CFAP300: variants seen among roughly 807,000 people sequenced by gnomAD.
CFAP300 encodes cilia- and flagella-associated protein 300.
Under a neutral mutation model 33.0 loss-of-function variants are expected in CFAP300, and 32 were observed. The ratio of observed to expected loss-of-function variants is 0.97; its 90% CI spans 0.73 to 1.30. CFAP300 has a LOEUF of 1.30. Ranked by LOEUF, CFAP300 falls within the 50% of genes most tolerant of loss-of-function variation. The probability of loss-of-function intolerance (pLI) is 0.00; values close to 1 mark genes in which losing one functional copy is unlikely to be tolerated. For synonymous variants in CFAP300, 102 were observed against 106.8 expected, an observed-to-expected ratio of 0.95 and a Z score of 0.28; for missense variants, 356 against 318.1, an observed-to-expected ratio of 1.12 and a Z score of -0.90.
chr11:102,047,652 G>C (rs973238568), intron 1 of CFAP300, 72 bp downstream of exon 1: 1 of 1,486,520 alleles, frequency 6.7e-7, no homozygotes, highest in Non-Finnish European at 9.1e-7. Flanking sequence ...GCCGGGCGTC[G>C]AGGGGCCCGC....
chr11:102,083,185 G>T lies in CFAP300; in HGVS notation c.790G>T (p.Gly264Ter). 6.6e-7 allele frequency: 1 copy of T among 1,514,722 alleles called. No individual in the cohort carries two copies. Among genetic ancestry groups the T allele is most frequent in the South Asian group, 1.4e-5 (1 of 72,820 alleles). The allele number at this position is 1,514,722 out of a possible 1,614,324, so 93.8% of individuals were successfully genotyped here. ...LHVLYHCYGV[G>*]DMS ...TGTTTTATACCACTGTTATGGTGTG[G>T]GAGACATGTCTTAATGTTCTTTCAG... The change falls in exon 7 of 7, where the codon GGA becomes TGA. Residue 264 changes from glycine to a stop codon, truncating the protein, a stop_gained. Transcript: ENST00000434758. LOFTEE classifies it high-confidence loss of function.
chr11:102,082,515 C>CA (rs1461866189), intron 6 of CFAP300, among the ~76,000 whole-genome samples: 15 of 151,866 alleles, frequency 9.9e-5, no homozygotes, highest in Admixed American at 2.0e-4. Flanking sequence ...TCCTTAAAGA[C>CA]AAAAATTATG....
chr11:102,076,671 A>G (rs1163263785), intron 5 of CFAP300, among the ~76,000 whole-genome samples: 2 of 152,186 alleles, frequency 1.3e-5, no homozygotes. Context: ...ATAGAAAGCA[A>G]AAGATCTTAA....
Position 102,083,419 on chromosome 11 carries a change from A to T in CFAP300, c.*220A>T, listed in dbSNP as rs1357375252. The stretch of plus-strand genomic sequence containing the variant: ...TCCATAATAAAATCTATACCAAAAA[A>T]GTTGTGGAATTTTTACAGAAAGTTA... On this transcript the variant is annotated 3_prime_UTR_variant, in exon 7 of 7. Transcript: ENST00000434758. 3.7e-6 allele frequency: 1 copy of T among 271,484 alleles called. No individual in the cohort carries two copies. Among genetic ancestry groups the T allele is most frequent in the Non-Finnish European group, 6.7e-6 (1 of 148,492 alleles). 16.8% of individuals were successfully genotyped at this position (271,484 alleles called of 1,614,324 possible). A position where few individuals can be genotyped will look rare whatever the true frequency, so the allele number is the denominator to read the frequency against.
rs919962560 is a variant in CFAP300, at chr11:102,055,501, G to C, written c.193-3379G>C. Among the ~76,000 whole-genome samples, 20 of 150,812 alleles carry C rather than the reference G, an allele frequency of 1.3e-4. 1 individual carries two copies. Among genetic ancestry groups the C allele is most frequent in the Non-Finnish European group, 2.2e-4 (15 of 67,800 alleles). On this transcript the variant is annotated intron_variant, in intron 2 of 6. Transcript: ENST00000434758. Reference sequence around the variant, plus strand: ...GCCTCCCGAGTAGCTGGGGCCACAGGTGCACAGCACTGTGCCAAGCTAATT... The same window carrying C: ...GCCTCCCGAGTAGCTGGGGCCACAGCTGCACAGCACTGTGCCAAGCTAATT...
At chr11:102,054,605 T>C (rs1429352360) in intron 2 of CFAP300, among the ~76,000 whole-genome samples, 2 of 151,886 alleles carry the variant, frequency 1.3e-5, no homozygotes, top group Non-Finnish European at 2.9e-5. Context: ...GGCGCACTTC[T>C]GTAGTCCCAG....
chr11:102,068,128 T>C (rs1342713462), intron 4 of CFAP300, among the ~76,000 whole-genome samples: 1 of 152,250 alleles, frequency 6.6e-6, no homozygotes, highest in Non-Finnish European at 1.5e-5. Context: ...CTTACTCTGC[T>C]TAGCACAATG....
chr11:102,049,198 C>T (rs1941932434), intron 2 of CFAP300, among the ~76,000 whole-genome samples: 1 of 152,168 alleles, frequency 6.6e-6, no homozygotes, highest in South Asian at 2.1e-4. Flanking sequence ...TCCTCTGAAA[C>T]CTGTAGGGGA....
At chr11:102,060,057 C>T (rs1047023113) in intron 3 of CFAP300, among the ~76,000 whole-genome samples, 9 of 152,096 alleles carry the variant, frequency 5.9e-5, no homozygotes, top group African/African-American at 1.7e-4. Context: ...CTGCAACCTT[C>T]GTCTCCCAGG....
At chr11:102,052,871 C>G (rs984849709) in intron 2 of CFAP300, among the ~76,000 whole-genome samples, 1 of 152,214 alleles carries the variant, frequency 6.6e-6, no homozygotes, top group Non-Finnish European at 1.5e-5. Context: ...ATTCTCCACG[C>G]TGCAGCCAGA....
Position 102,083,088 on chromosome 11 carries a change from C to A in CFAP300, c.693C>A (p.Cys231Ter). The change falls in exon 7 of 7, where the codon TGC (cysteine) becomes TGA (stop). Residue 231 changes from cysteine (C) to a stop codon, truncating the protein, a stop_gained. Transcript: ENST00000434758. LOFTEE classifies it high-confidence loss of function. ...KVSAYDSAGM[C>*]YPSAKNHEQT... ...TTTTTCAGGATTCTGCTGGTATGTG[C>A]TATCCTTCAGCAAAGAATCATGAAC... 6.6e-7 allele frequency: 1 copy of A among 1,514,408 alleles called. No individual in the cohort carries two copies. Among genetic ancestry groups the A allele is most frequent in the Non-Finnish European group, 8.9e-7 (1 of 1,128,384 alleles). The allele number at this position is 1,514,408 out of a possible 1,614,324, so 93.8% of individuals were successfully genotyped here.
At chr11:102,072,609 T>C (rs1942329708) in intron 4 of CFAP300, among the ~76,000 whole-genome samples, 4 of 152,228 alleles carry the variant, frequency 2.6e-5, no homozygotes, top group Admixed American at 2.6e-4. Context: ...GGCCATATCA[T>C]TATTTTGAAT....
In CFAP300 at chr11:102,054,728, C is replaced by CAAAAAAAA. The variant is rs542071172; in HGVS notation, c.193-4138_193-4131dup. On this transcript the variant is annotated intron_variant, in intron 2 of 6. Coordinates refer to ENST00000434758, the MANE Select transcript of CFAP300 (RefSeq NM_032930.3). ...TGAATGACAGAGCAAGACTTGGTCT[C>CAAAAAAAA]AAAAAAAAAAAAAAAAAAAAAGTGA... Among the ~76,000 whole-genome samples the CAAAAAAAA allele has an allele frequency of 5.6e-5, 4 of 70,926 alleles. 1 individual carries two copies. The highest frequency in any genetic ancestry group is 5.4e-5 in the Non-Finnish European group (2 of 37,212). The allele number at this position is 70,926 out of a possible 152,430, so 46.5% of individuals were successfully genotyped here.
intron 4 of CFAP300, 31 bp downstream of exon 4, chr11:102,066,682 G>A (rs1038203640): frequency 1.3e-6 from 2 of 1,556,634 alleles, no homozygotes; most frequent in African/African-American, 2.8e-5. Flanking sequence ...TTTCGCAGTG[G>A]AATTTTATTT....
chr11:102,051,847 C>A (rs1383968766), intron 2 of CFAP300, among the ~76,000 whole-genome samples: 3 of 152,166 alleles, frequency 2.0e-5, no homozygotes, highest in Admixed American at 2.0e-4. Flanking sequence ...TCACACCCAG[C>A]CCACTTTCAC....
intron 2 of CFAP300, among the ~76,000 whole-genome samples, chr11:102,055,916 G>T (rs1008508163): frequency 6.6e-6 from 1 of 151,936 alleles, no homozygotes; most frequent in Admixed American, 6.6e-5. Flanking sequence ...TGATCCGCCC[G>T]CCTCGGCCTC....
chr11:102,055,007 GTC>G lies in CFAP300; in HGVS notation c.193-3865_193-3864del, dbSNP rs1191111875. Among the ~76,000 whole-genome samples, 3 of 148,304 alleles carry G rather than the reference GTC, an allele frequency of 2.0e-5. No individual in the cohort carries two copies. In the East Asian group the frequency reaches 6.0e-4, roughly 30 times the overall value. ...TCTTTTTTTTTTTTTTGAAGACAGA[GTC>G]TCTCTCTGTCGCCCAGGCTGGGGTG... On this transcript the variant is annotated intron_variant, in intron 2 of 6. Coordinates refer to ENST00000434758, the MANE Select transcript of CFAP300 (RefSeq NM_032930.3).
chr11:102,078,853 C>A (rs770969354), intron 5 of CFAP300, among the ~76,000 whole-genome samples: 1 of 152,064 alleles, frequency 6.6e-6, no homozygotes, highest in African/African-American at 2.4e-5. Flanking sequence ...GGACTACAGG[C>A]GCATGCCACC....
At chr11:102,068,762 A>G (rs886520119) in intron 4 of CFAP300, among the ~76,000 whole-genome samples, 1 of 152,208 alleles carries the variant, frequency 6.6e-6, no homozygotes, top group Non-Finnish European at 1.5e-5. Context: ...ATTCCAGCCT[A>G]GGTGAAAGAG....
Sources: allele counts gnomAD v4.1 joint callset (sites outside exome capture counted in the v4.1 genomes callset), GRCh38; gene constraint gnomAD v4.1.1; transcripts MANE v1.5; gene names NCBI Gene and HGNC (gene_info 2026-07-23, HGNC 2026-07-21).